Variants in RNF212 observed in about 807,000 individuals in gnomAD.
RNF212 encodes probable E3 SUMO-protein ligase RNF212.
Under a neutral mutation model 34.7 loss-of-function variants are expected in RNF212, and 33 were observed. The observed-to-expected ratio is 0.95, with a 90% CI of 0.72 to 1.27. RNF212 has a LOEUF of 1.27. RNF212 is among the 50% of genes most tolerant of loss of function. RNF212 has a pLI of 0.00. For synonymous variants in RNF212, 140 were observed against 136.1 expected, an observed-to-expected ratio of 1.03 and a Z score of -0.20; for missense variants, 377 against 362.2, an observed-to-expected ratio of 1.04 and a Z score of -0.33.
intron 5 of RNF212, among the ~76,000 whole-genome samples, chr4:1,082,745 G>A (rs1034557941): frequency 8.5e-5 from 13 of 152,172 alleles, no homozygotes; most frequent in African/African-American, 2.9e-4. Flanking sequence ...GGCTTACTCC[G>A]AATTGCCAGC....
chr4:1,091,137 A>G (rs1722127596), intron 3 of RNF212, among the ~76,000 whole-genome samples: 1 of 152,234 alleles, frequency 6.6e-6, no homozygotes, highest in South Asian at 2.1e-4. Flanking sequence ...GATAATGGCT[A>G]CTGGTTTGAG....
chr4:1,099,859 C>T (rs78029756), intron 2 of RNF212: 3 of 456,098 alleles, frequency 6.6e-6, no homozygotes, highest in South Asian at 3.1e-5. Flanking sequence ...GCGGGATCCA[C>T]GGGGCTCTCC....
At chr4:1,099,262 A>G (rs1463481243) in intron 2 of RNF212, among the ~76,000 whole-genome samples, 1 of 152,246 alleles carries the variant, frequency 6.6e-6, no homozygotes, top group African/African-American at 2.4e-5. Context: ...TGCTTCAAGA[A>G]AAAGACATTT....
intron 3 of RNF212, among the ~76,000 whole-genome samples, chr4:1,091,955 C>T (rs1054216421): frequency 6.6e-6 from 1 of 152,242 alleles, no homozygotes; most frequent in Non-Finnish European, 1.5e-5. Flanking sequence ...GCCCTGACCC[C>T]AGCTCTTGTG....
At chr4:1,056,949 A>G in intron 4 of RNF212, 2 of 987,984 alleles carry the variant, frequency 2.0e-6, no homozygotes, top group Non-Finnish European at 2.4e-6. Context: ...CTCCCTGGTA[A>G]CTGTGGTGTT....
intron 5 of RNF212, among the ~76,000 whole-genome samples, chr4:1,083,002 G>A (rs897780909): frequency 3.3e-5 from 5 of 152,212 alleles, no homozygotes; most frequent in African/African-American, 9.6e-5. Context: ...CAGTGAGGCC[G>A]GGCAAGACGG....
At chr4:1,058,584 C>G (rs1379142095) in intron 3 of RNF212, among the ~76,000 whole-genome samples, 1 of 152,300 alleles carries the variant, frequency 6.6e-6, no homozygotes, top group Non-Finnish European at 1.5e-5. Flanking sequence ...GGTGCCAACA[C>G]GACACTCTGA....
intron 4 of RNF212, among the ~76,000 whole-genome samples, chr4:1,087,378 G>C (rs1179238762): frequency 1.2e-5 from 1 of 81,438 alleles, no homozygotes; most frequent in East Asian, 4.8e-4. Context: ...GGGTGGGGGT[G>C]AGAGGATGGG....
In RNF212 at chr4:1,072,589, C is replaced by A; in HGVS notation, c.*285G>T. 1.1e-6 allele frequency: 1 copy of A among 919,178 alleles called. No homozygotes were observed. The highest frequency in any genetic ancestry group is 4.9e-5 in the Admixed American group (1 of 20,208). The allele number at this position is 919,178 out of a possible 1,614,324, so 56.9% of individuals were successfully genotyped here. On this transcript the variant is annotated 3_prime_UTR_variant, in exon 10 of 10. Transcript: ENST00000433731. ...CTAAGAAAAAGTTTTAAAAACCACC[C>A]AGTTAGAAAAAAATGATTTAAGTAT...
chr4:1,083,276 A>T (rs1720646223), intron 5 of RNF212, among the ~76,000 whole-genome samples: 1 of 152,236 alleles, frequency 6.6e-6, no homozygotes, highest in South Asian at 2.1e-4. Flanking sequence ...TGCAACAATG[A>T]GCAAGGACTA....
At chr4:1,105,816 T>C (rs985316309) in intron 2 of RNF212, among the ~76,000 whole-genome samples, 10 of 152,202 alleles carry the variant, frequency 6.6e-5, no homozygotes, top group African/African-American at 2.4e-4. Flanking sequence ...TCACATTCCA[T>C]AGAGACTTAA....
intron 4 of RNF212, among the ~76,000 whole-genome samples, chr4:1,086,282 C>T (rs551415737): frequency 1.9e-4 from 29 of 152,154 alleles, no homozygotes; most frequent in Non-Finnish European, 3.4e-4. Context: ...CTTCCATACA[C>T]GGCCACTGCC....
At chr4:1,080,197 C>T (rs767064426) in intron 7 of RNF212, among the ~76,000 whole-genome samples, 1 of 152,220 alleles carries the variant, frequency 6.6e-6, no homozygotes, top group Non-Finnish European at 1.5e-5. Flanking sequence ...TTGGCCCCCT[C>T]CTAGCCCTGC....
At chr4:1,093,662 T>C in intron 3 of RNF212, 2 of 1,536,056 alleles carry the variant, frequency 1.3e-6, no homozygotes, top group South Asian at 1.2e-5. Context: ...CTGCAGCACT[T>C]GGCAAAACCA....
intron 3 of RNF212, among the ~76,000 whole-genome samples, chr4:1,060,794 G>C (rs1238287969): frequency 7.2e-5 from 11 of 152,234 alleles, no homozygotes; most frequent in Admixed American, 7.2e-4. Context: ...CTGCTGACAG[G>C]TCAGACAGCC....
In RNF212 at chr4:1,085,919, C is replaced by G. The variant is rs1238209233; in HGVS notation, c.339G>C (p.Val113=). 1.1e-5 allele frequency: 17 copies of G among 1,612,572 alleles called. No individual in the cohort carries two copies. The highest frequency in any genetic ancestry group is 1.4e-5 in the Non-Finnish European group (17 of 1,179,172). The change falls in exon 5 of 10, where the codon GTG becomes GTC. Residue 113 remains valine, a synonymous_variant. Transcript: ENST00000433731. ...ACCTTTGTAGTTGTTCTATCTGCAG[C>G]ACTGACTTCCTAAGGGATTCTTCCA... ...SRLEESLRKS[V]LQIEQLQSMR...
At chr4:1,081,332 G>A (rs1720297125) in intron 7 of RNF212, 87 bp downstream of exon 7, 1 of 1,143,964 alleles carries the variant, frequency 8.7e-7, no homozygotes, top group African/African-American at 1.5e-5. Flanking sequence ...CTGGGGGCTT[G>A]GAGAGGGGGT....
intron 4 of RNF212, among the ~76,000 whole-genome samples, chr4:1,089,487 G>A (rs1560130745): frequency 6.6e-6 from 1 of 152,234 alleles, no homozygotes; most frequent in Non-Finnish European, 1.5e-5. Context: ...TGTCTCTGAT[G>A]AGATTTTGGG....
chr4:1,100,141 T>C, intron 2 of RNF212: 2 of 337,016 alleles, frequency 5.9e-6, no homozygotes. Flanking sequence ...CATCTTCTTT[T>C]GCTTGCTGCC....
Sources: gnomAD v4.1 joint callset for allele counts (sites outside exome capture counted in the v4.1 genomes callset) on GRCh38, gnomAD v4.1.1 for gene constraint, MANE v1.5 for transcripts, NCBI Gene and HGNC (gene_info 2026-07-23, HGNC 2026-07-21) for gene names.